The following NUDT13 variants were observed in gnomAD, a reference collection of about 807,000 sequenced individuals.
The protein encoded by NUDT13 is NAD(P)H pyrophosphatase NUDT13, mitochondrial.
Under a neutral mutation model 41.7 loss-of-function variants are expected in NUDT13, and 40 were observed. The observed-to-expected ratio is 0.96, with a 90% CI of 0.75 to 1.25. NUDT13 has a LOEUF of 1.25. Ranked by LOEUF, NUDT13 falls within the 50% of genes most tolerant of loss-of-function variation. NUDT13 has a pLI of 0.00. For missense variants in NUDT13, 390 were observed against 416.1 expected (o/e 0.94, Z 0.55); for synonymous variants, 145 against 155.5 (o/e 0.93, Z 0.50).
At chr10:73,129,154 C>T (rs955996666) in intron 8 of NUDT13, among the ~76,000 whole-genome samples, 12 of 145,660 alleles carry the variant, frequency 8.2e-5, no homozygotes, top group Non-Finnish European at 1.5e-4. Flanking sequence ...TTGAAAGAAA[C>T]TTAAGACGTT....
At chr10:73,117,557 CAAA>C (rs75939322) in intron 2 of NUDT13, among the ~76,000 whole-genome samples, 3 of 49,918 alleles carry the variant, frequency 6.0e-5, no homozygotes, top group Admixed American at 4.2e-4. Context: ...AACTCAGTCT[CAAA>C]AAAAAAAAAA....
intron 1 of NUDT13, among the ~76,000 whole-genome samples, chr10:73,114,121 A>G (rs549716533): frequency 4.6e-5 from 7 of 152,310 alleles, no homozygotes; most frequent in African/African-American, 1.7e-4. Flanking sequence ...CTAAGTGGGT[A>G]GAACAGGTTT....
chr10:73,125,652 TA>T (rs1226080667), intron 7 of NUDT13, 143 bp downstream of exon 7: 1 of 68,112 alleles, frequency 1.5e-5, no homozygotes, highest in Non-Finnish European at 2.5e-5. Context: ...TCTGGCATTT[TA>T]TATATATATA....
At chr10:73,124,419 C>A in intron 5 of NUDT13, 99 bp downstream of exon 5, 1 of 784,444 alleles carries the variant, frequency 1.3e-6, no homozygotes, top group Non-Finnish European at 2.2e-6. Context: ...TTGATTTCTT[C>A]TTTTGCAGAT....
At chr10:73,120,693 C>G (rs2133214213) in intron 3 of NUDT13, among the ~76,000 whole-genome samples, 1 of 152,274 alleles carries the variant, frequency 6.6e-6, no homozygotes, top group East Asian at 1.9e-4. Flanking sequence ...AATCCCAGCA[C>G]TTTGGGAGGC....
At chr10:73,114,707 G>A (rs529225840) in intron 2 of NUDT13, among the ~76,000 whole-genome samples, 75 of 151,578 alleles carry the variant, frequency 4.9e-4, no homozygotes, top group African/African-American at 1.8e-3. Context: ...TAGACCTCAG[G>A]GGCAGGCCTC....
At position 73,111,986 on chromosome 10, in the gene NUDT13, T is replaced by C. The variant is rs573703488; in HGVS notation, c.-10+1419T>C. On this transcript the variant is annotated intron_variant, in intron 1 of 8. Coordinates refer to ENST00000357321, the MANE Select transcript of NUDT13 (RefSeq NM_015901.6). ...AAATTACAGGCACCTTTTTCAATAT[T>C]TGTCTTCATCCCACTCCCCCAAATT... Among the ~76,000 whole-genome samples the C allele has an allele frequency of 1.6e-4, 25 of 152,328 alleles. No homozygotes were observed. The South Asian group carries it at 5.2e-3, about 32-fold the overall frequency.
intron 1 of NUDT13, among the ~76,000 whole-genome samples, chr10:73,113,931 A>C (rs955565353): frequency 6.6e-6 from 1 of 152,238 alleles, no homozygotes; most frequent in Non-Finnish European, 1.5e-5. Flanking sequence ...ATTTAAAGGG[A>C]CCATCTTGGC....
intron 6 of NUDT13, 29 bp from the exon 7 acceptor site, chr10:73,125,369 G>A (rs765528787): frequency 4.3e-6 from 7 of 1,611,282 alleles, no homozygotes; most frequent in Non-Finnish European, 5.9e-6. Flanking sequence ...CAAAGTGCCA[G>A]CATCTCAGTT....
In NUDT13 at chr10:73,131,507, T is replaced by C. The variant is rs553103547; in HGVS notation, c.*604T>C. The C allele has an allele frequency of 6.5e-6, 1 of 153,154 alleles. No individual in the cohort carries two copies. Among genetic ancestry groups the C allele is most frequent in the Non-Finnish European group, 1.5e-5 (1 of 68,740 alleles). 9.5% of individuals were successfully genotyped at this position (153,154 alleles called of 1,614,324 possible). A position where few individuals can be genotyped will look rare whatever the true frequency, so the allele number is the denominator to read the frequency against. The stretch of plus-strand genomic sequence containing the variant: ...ATAAATCAGATGCCCTGAGGCTCTG[T>C]TGAGGAAGTAGAATCCCAATGGGAC... On this transcript the variant is annotated 3_prime_UTR_variant, in exon 9 of 9. Coordinates refer to ENST00000357321, the MANE Select transcript of NUDT13 (RefSeq NM_015901.6).
intron 2 of NUDT13, among the ~76,000 whole-genome samples, chr10:73,117,474 T>C (rs1016393102): frequency 6.0e-5 from 9 of 150,920 alleles, no homozygotes; most frequent in East Asian, 2.0e-4. Flanking sequence ...AGAGAATCAC[T>C]TGGACCCGGG....
In NUDT13 at chr10:73,123,326, G is replaced by A. The variant is rs552766048; in HGVS notation, c.359-888G>A. ...GCTCTGGGTCCACAGACCTGCCATT[G>A]GGAACCACTTTGCTATTGGCTCATG... On this transcript the variant is annotated intron_variant, in intron 4 of 8. Transcript: ENST00000357321. 6.6e-5 allele frequency among the ~76,000 whole-genome samples: 10 copies of A among 152,234 alleles called. No homozygotes were observed. The South Asian group carries it at 1.9e-3, about 28-fold the overall frequency.
chr10:73,123,391 T>G (rs1445681755), intron 4 of NUDT13, among the ~76,000 whole-genome samples: 1 of 152,030 alleles, frequency 6.6e-6, no homozygotes, highest in African/African-American at 2.4e-5. Flanking sequence ...ATGGTCTAGG[T>G]GTAAATGTAG....
At chr10:73,124,097 C>A (rs1842714596) in intron 4 of NUDT13, 117 bp from the exon 5 acceptor site, 3 of 684,008 alleles carry the variant, frequency 4.4e-6, no homozygotes, top group Non-Finnish European at 7.7e-6. Flanking sequence ...CCCCCCACAC[C>A]TAGCTGAATC....
chr10:73,123,931 C>T (rs1182549927), intron 4 of NUDT13, among the ~76,000 whole-genome samples: 1 of 152,052 alleles, frequency 6.6e-6, no homozygotes, highest in Non-Finnish European at 1.5e-5. Context: ...AGTGCCGTAC[C>T]TGGCCTTTTT....
At position 73,120,118 on chromosome 10, in the gene NUDT13, T is replaced by G; in HGVS notation, c.184T>G (p.Ser62Ala). Residue 62 changes from serine (S) to alanine (A), a missense_variant, in exon 3 of 9, where the codon TCA (serine) becomes GCA (alanine). Physicochemically the swap from Ser to Ala is moderately conservative, Grantham distance 99. Coordinates refer to ENST00000357321, the MANE Select transcript of NUDT13 (RefSeq NM_015901.6). ...FHSLAPLLQT[S>A]AHQYLAPRHS... ...TAGTCTGGCTCCTCTGCTTCAGACT[T>G]CAGCACATCAATACCTGGCCCCCCG... is the stretch of plus-strand genomic sequence containing the variant. 6.2e-7 allele frequency: 1 copy of G among 1,614,178 alleles called. No homozygotes were observed. The highest frequency in any genetic ancestry group is 8.5e-7 in the Non-Finnish European group (1 of 1,180,010).
intron 5 of NUDT13, chr10:73,124,532 T>C (rs146743938): frequency 7.6e-6 from 4 of 525,606 alleles, no homozygotes; most frequent in African/African-American, 5.7e-5. Context: ...GTCAAGATCA[T>C]TGTCTCCTAA....
intron 2 of NUDT13, 80 bp from the exon 3 acceptor site, chr10:73,119,938 G>C: frequency 7.2e-7 from 1 of 1,387,136 alleles, no homozygotes; most frequent in Non-Finnish European, 1.0e-6. Context: ...GAGGGATGCA[G>C]CGACAGCATT....
chr10:73,130,482 A>G (rs980719134), intron 8 of NUDT13: 1 of 254,848 alleles, frequency 3.9e-6, no homozygotes, highest in Admixed American at 4.1e-5. Context: ...AAATATATAT[A>G]TATATACACA....
Sources: gnomAD v4.1 joint callset for allele counts (sites outside exome capture counted in the v4.1 genomes callset) on GRCh38, gnomAD v4.1.1 for gene constraint, MANE v1.5 for transcripts, NCBI Gene and HGNC (gene_info 2026-07-23, HGNC 2026-07-21) for gene names.